ARHGAP15: variants seen among roughly 807,000 people sequenced by gnomAD.
The protein encoded by ARHGAP15 is rho GTPase-activating protein 15.
ARHGAP15 carries 51 observed loss-of-function variants against 63.7 expected under a neutral mutation model. That is an observed-to-expected ratio of 0.80 (90% CI 0.64 to 1.01). The LOEUF is 1.01. Among genes scored for constraint, ARHGAP15 ranks in the 50% least tolerant of loss-of-function variants. The pLI, the probability that ARHGAP15 is intolerant of heterozygous loss-of-function variation, is 0.00. For synonymous variants in ARHGAP15, 191 were observed against 193.8 expected (o/e 0.99, Z 0.12); for missense variants, 560 against 564.6 (o/e 0.99, Z 0.08).
At chr2:143,633,059 C>G (rs1456696042) in intron 12 of ARHGAP15, among the ~76,000 whole-genome samples, 3 of 152,134 alleles carry the variant, frequency 2.0e-5, no homozygotes, top group Admixed American at 6.6e-5. Flanking sequence ...AAAATATCCT[C>G]TATTGCAGCA....
chr2:143,674,579 G>C (rs970344369), intron 12 of ARHGAP15, among the ~76,000 whole-genome samples: 3 of 152,112 alleles, frequency 2.0e-5, no homozygotes, highest in Admixed American at 6.6e-5. Flanking sequence ...AAAACTTACA[G>C]GCATACCTCA....
intron 12 of ARHGAP15, among the ~76,000 whole-genome samples, chr2:143,685,741 T>C (rs1010043085): frequency 2.0e-5 from 3 of 152,184 alleles, no homozygotes; most frequent in African/African-American, 7.2e-5. Flanking sequence ...GCCATCAGTG[T>C]CCACCTGTGA....
At chr2:143,320,645 C>T (rs894558600) in intron 6 of ARHGAP15, among the ~76,000 whole-genome samples, 1 of 151,990 alleles carries the variant, frequency 6.6e-6, no homozygotes, top group African/African-American at 2.4e-5. Flanking sequence ...GAGAAAAGAT[C>T]ATAGCAAAGA....
intron 10 of ARHGAP15, among the ~76,000 whole-genome samples, chr2:143,522,927 G>A (rs1398185000): frequency 4.6e-5 from 7 of 152,088 alleles, no homozygotes; most frequent in Admixed American, 4.6e-4. Context: ...TTAAAAATGC[G>A]ATCACCTGTG....
intron 6 of ARHGAP15, among the ~76,000 whole-genome samples, chr2:143,414,759 C>T (rs1490115428): frequency 6.6e-6 from 1 of 152,114 alleles, no homozygotes; most frequent in Non-Finnish European, 1.5e-5. Flanking sequence ...CATGGTAAAA[C>T]CCTGTCTCTT....
intron 6 of ARHGAP15, among the ~76,000 whole-genome samples, chr2:143,279,686 A>G (rs1237647084): frequency 6.6e-6 from 1 of 152,172 alleles, no homozygotes; most frequent in African/African-American, 2.4e-5. Flanking sequence ...CAATTTTCCC[A>G]ACCTATGATC....
intron 2 of ARHGAP15, among the ~76,000 whole-genome samples, chr2:143,183,016 G>A (rs1025044276): frequency 2.0e-5 from 3 of 152,162 alleles, no homozygotes; most frequent in Non-Finnish European, 4.4e-5. Flanking sequence ...AGTACTAGAA[G>A]CAGGTAAAGG....
chr2:143,233,711 A>G (rs1031856929), intron 5 of ARHGAP15, among the ~76,000 whole-genome samples: 1 of 144,630 alleles, frequency 6.9e-6, no homozygotes, highest in Non-Finnish European at 1.5e-5. Context: ...CAGTGGCATG[A>G]TCTTGGCTCA....
rs149226150 is a variant in ARHGAP15 at position 143,376,570 on chromosome 2, A to G, written c.475-59031A>G. 2.5e-3 allele frequency among the ~76,000 whole-genome samples: 384 copies of G among 152,254 alleles called. 2 individuals carry two copies. Among genetic ancestry groups the G allele is most frequent in the African/African-American group, 7.4e-3 (306 of 41,568 alleles). ...ATGTATATGGTAAGACTTAGAACAC[A>G]TAGAATAAAATTCAGAAAGTAACAT... On this transcript the variant is annotated intron_variant, in intron 6 of 13. Coordinates refer to ENST00000295095, the MANE Select transcript of ARHGAP15 (RefSeq NM_018460.4).
chr2:143,304,458 G>A (rs1296192974), intron 6 of ARHGAP15, among the ~76,000 whole-genome samples: 2 of 152,060 alleles, frequency 1.3e-5, no homozygotes, highest in Non-Finnish European at 2.9e-5. Context: ...CTGTTGTGGG[G>A]TGGGGGAAGA....
chr2:143,278,797 T>A lies in ARHGAP15; in HGVS notation c.474+28197T>A, dbSNP rs556604982. On this transcript the variant is annotated intron_variant, in intron 6 of 13. Coordinates refer to ENST00000295095, the MANE Select transcript of ARHGAP15 (RefSeq NM_018460.4). Reference sequence around the variant, plus strand: ...CTTGAGCCCAGAAGGCACTGTGAAATTCATAGTCACATTTTGAGATACAGA... The same window carrying A: ...CTTGAGCCCAGAAGGCACTGTGAAAATCATAGTCACATTTTGAGATACAGA... Among the ~76,000 whole-genome samples the A allele has an allele frequency of 8.5e-5, 13 of 152,122 alleles. No homozygotes were observed. In the South Asian group the frequency reaches 1.9e-3, roughly 22 times the overall value.
chr2:143,700,262 G>T (rs1684026219), intron 12 of ARHGAP15, among the ~76,000 whole-genome samples: 1 of 152,082 alleles, frequency 6.6e-6, no homozygotes, highest in Non-Finnish European at 1.5e-5. Context: ...CTTAATTCCT[G>T]CCCAAACACC....
At chr2:143,640,892 A>T (rs1342587752) in intron 12 of ARHGAP15, 4 of 152,146 alleles carry the variant, frequency 2.6e-5, no homozygotes, top group Admixed American at 6.6e-5. Context: ...CTGCCACCAA[A>T]TTCCTACTTC....
chr2:143,330,109 AAAAAAAAAAAAAAAAAAAAAAACC>A (rs1558897709), intron 6 of ARHGAP15, among the ~76,000 whole-genome samples: 7 of 83,832 alleles, frequency 8.4e-5, no homozygotes, highest in East Asian at 7.2e-4. Flanking sequence ...AAAAAAAAAA[AAAAAAAAAAAAAAAAAAAAAAACC>A]AAAAACAAAA....
chr2:143,664,451 C>T (rs1682034181), intron 12 of ARHGAP15, among the ~76,000 whole-genome samples: 1 of 151,734 alleles, frequency 6.6e-6, no homozygotes, highest in Non-Finnish European at 1.5e-5. Flanking sequence ...ACTAAATGCC[C>T]ACAAGAGAAA....
chr2:143,151,360 C>T (rs1026336077), intron 1 of ARHGAP15, among the ~76,000 whole-genome samples: 1 of 152,038 alleles, frequency 6.6e-6, no homozygotes, highest in East Asian at 2.0e-4. Flanking sequence ...ATGTCCCATC[C>T]CCAGTCACAA....
chr2:143,593,990 T>G (rs1697414968), intron 11 of ARHGAP15, among the ~76,000 whole-genome samples: 1 of 152,206 alleles, frequency 6.6e-6, no homozygotes, highest in South Asian at 2.1e-4. Context: ...ATTATTTAAC[T>G]CTTAAGCAGA....
intron 10 of ARHGAP15, among the ~76,000 whole-genome samples, chr2:143,540,308 A>AC (rs1559038117): frequency 2.0e-5 from 3 of 152,184 alleles, no homozygotes; most frequent in African/African-American, 2.4e-5. Context: ...ATACAGCACT[A>AC]TGATGGGTCT....
intron 1 of ARHGAP15, among the ~76,000 whole-genome samples, chr2:143,135,739 C>G (rs1689110344): frequency 6.6e-6 from 1 of 152,148 alleles, no homozygotes; most frequent in Non-Finnish European, 1.5e-5. Flanking sequence ...CAGTTTTCCT[C>G]CAAACTACCT....
Sources: allele counts gnomAD v4.1 joint callset (sites outside exome capture counted in the v4.1 genomes callset), GRCh38; gene constraint gnomAD v4.1.1; transcripts MANE v1.5; gene names NCBI Gene and HGNC (gene_info 2026-07-23, HGNC 2026-07-21).